The following SOX5 variants were observed in gnomAD, a reference collection of about 807,000 sequenced individuals.
SOX5 encodes SRY-box transcription factor 5, also known as transcription factor SOX-5.
SOX5 carries 9 observed loss-of-function variants against 92.0 expected under a neutral mutation model. That is an observed-to-expected ratio of 0.10 (90% confidence interval 0.06 to 0.17). SOX5 has a LOEUF of 0.17. SOX5 is among the 10% of genes least tolerant of loss of function. The pLI is 1.00. For missense variants in SOX5, 642 were observed against 944.5 expected (o/e 0.68, Z 4.20); for synonymous variants, 344 against 336.3 (o/e 1.02, Z -0.25).
At chr12:24,551,211 T>C (rs1050326516) in intron 1 of SOX5, among the ~76,000 whole-genome samples, 1 of 152,198 alleles carries the variant, frequency 6.6e-6, no homozygotes, top group African/African-American at 2.4e-5. Context: ...CCAATACTCC[T>C]CATTCATTCA....
At chr12:24,171,155 TTGCTAACTTCTAATAGTGATTTTAG>T in intron 4 of SOX5, among the ~76,000 whole-genome samples, 1 of 148,608 alleles carries the variant, frequency 6.7e-6, no homozygotes, top group Non-Finnish European at 1.5e-5. Context: ...TTTTTTTTTT[TTGCTAACTTCTAATAGTGATTTTAG>T]TTTTTTCTTT....
chr12:23,809,234 C>T (rs898244932), intron 3 of SOX5, among the ~76,000 whole-genome samples: 11 of 151,960 alleles, frequency 7.2e-5, no homozygotes, highest in African/African-American at 2.2e-4. Flanking sequence ...AAAAGAGGAA[C>T]GGGCTGGTGG....
At chr12:24,092,356 G>A (rs910072018) in intron 4 of SOX5, among the ~76,000 whole-genome samples, 9 of 152,000 alleles carry the variant, frequency 5.9e-5, no homozygotes, top group Admixed American at 3.9e-4. Context: ...TCCCACAAAC[G>A]GAGACTCTCC....
At chr12:24,114,225 G>A (rs1947710604) in intron 4 of SOX5, among the ~76,000 whole-genome samples, 2 of 151,928 alleles carry the variant, frequency 1.3e-5, no homozygotes, top group Admixed American at 1.3e-4. Flanking sequence ...AAAAAGTCCT[G>A]GGAGAAGCAG....
At chr12:24,535,170 C>G (rs1341874107) in intron 1 of SOX5, among the ~76,000 whole-genome samples, 1 of 152,182 alleles carries the variant, frequency 6.6e-6, no homozygotes, top group Non-Finnish European at 1.5e-5. Flanking sequence ...AAAATCGGCT[C>G]TTGGCTTAGC....
rs529976110 is a variant in SOX5, at chr12:23,734,643, A to G, written c.810+41T>C. 4.3e-6 allele frequency: 6 copies of G among 1,411,746 alleles called. No homozygotes were observed. The South Asian group carries it at 7.2e-5, about 17-fold the overall frequency. The allele number at this position is 1,411,746 out of a possible 1,614,324, so 87.5% of individuals were successfully genotyped here. ...TTTAAGGATAAGAAACAGAATATATATTTTTTAAATTGTAAGTATATTGAA... is the reference window on the plus strand; with the variant it reads ...TTTAAGGATAAGAAACAGAATATATGTTTTTTAAATTGTAAGTATATTGAA... On this transcript the variant is annotated intron_variant, in intron 6 of 14. Transcript: ENST00000451604.
intron 4 of SOX5, among the ~76,000 whole-genome samples, chr12:24,148,839 A>G (rs1370185713): frequency 1.3e-5 from 2 of 151,558 alleles, no homozygotes; most frequent in African/African-American, 4.9e-5. Flanking sequence ...ATAGTAAGCT[A>G]TGATCACACC....
intron 4 of SOX5, among the ~76,000 whole-genome samples, chr12:24,088,606 C>T (rs115750161): frequency 2.0e-4 from 31 of 151,720 alleles, no homozygotes; most frequent in African/African-American, 6.5e-4. Flanking sequence ...TTACTAGATG[C>T]GAAAGGGCTC....
chr12:23,919,065 A>C (rs1410277515), intron 1 of SOX5, among the ~76,000 whole-genome samples: 3 of 152,198 alleles, frequency 2.0e-5, no homozygotes, highest in Non-Finnish European at 4.4e-5. Context: ...AAGGTAATTA[A>C]TAGGTAATAT....
chr12:24,205,719 G>A (rs7303999), intron 4 of SOX5, among the ~76,000 whole-genome samples: 5,267 of 152,236 alleles, frequency 0.035, 298 homozygotes, highest in African/African-American at 0.12. Flanking sequence ...TGGCTTCAAT[G>A]GTTTCCAAAT....
intron 2 of SOX5, among the ~76,000 whole-genome samples, chr12:24,334,713 C>T (rs1167697334): frequency 6.6e-6 from 1 of 151,994 alleles, no homozygotes; most frequent in East Asian, 1.9e-4. Context: ...TAATTTACAG[C>T]AAAACATTAG....
intron 3 of SOX5, among the ~76,000 whole-genome samples, chr12:24,266,174 A>G (rs1003127224): frequency 1.3e-5 from 2 of 151,832 alleles, no homozygotes; most frequent in African/African-American, 4.8e-5. Context: ...TCAGCCTCCC[A>G]ACGTGCTAGA....
intron 1 of SOX5, among the ~76,000 whole-genome samples, chr12:24,413,160 G>A (rs141270276): frequency 5.3e-5 from 8 of 152,186 alleles, no homozygotes; most frequent in East Asian, 1.9e-4. Context: ...TCAAATCTTC[G>A]AATAACATTG....
intron 9 of SOX5, among the ~76,000 whole-genome samples, chr12:23,578,783 T>C (rs1211174683): frequency 1.3e-5 from 2 of 152,286 alleles, no homozygotes; most frequent in Middle Eastern, 3.4e-3. Context: ...CCTAGCAATA[T>C]ACTACCTGTT....
At chr12:23,845,045 G>T (rs1184607445) in intron 3 of SOX5, among the ~76,000 whole-genome samples, 1 of 152,218 alleles carries the variant, frequency 6.6e-6, no homozygotes, top group African/African-American at 2.4e-5. Context: ...TCACATGGCT[G>T]TCACATATAC....
intron 3 of SOX5, among the ~76,000 whole-genome samples, chr12:24,237,268 G>A (rs1964696496): frequency 6.6e-6 from 1 of 152,138 alleles, no homozygotes; most frequent in Non-Finnish European, 1.5e-5. Context: ...TCCCAGAGAT[G>A]CCCTGAGTCC....
At chr12:24,164,658 CAAGA>C (rs1393077278) in intron 4 of SOX5, among the ~76,000 whole-genome samples, 1 of 151,988 alleles carries the variant, frequency 6.6e-6, no homozygotes, top group African/African-American at 2.4e-5. Flanking sequence ...GCATTCATGA[CAAGA>C]AAGTGAAAAC....
chr12:24,299,669 C>T (rs1029757594), intron 2 of SOX5, among the ~76,000 whole-genome samples: 5 of 152,156 alleles, frequency 3.3e-5, no homozygotes, highest in Admixed American at 1.3e-4. Context: ...TATGCCTTCC[C>T]AACTGGCTCA....
intron 2 of SOX5, among the ~76,000 whole-genome samples, chr12:24,314,749 T>C (rs1357326054): frequency 1.3e-5 from 2 of 152,190 alleles, no homozygotes; most frequent in Non-Finnish European, 2.9e-5. Flanking sequence ...TGGACCTCCT[T>C]GCACTTCCTT....
Sources: allele counts gnomAD v4.1 joint callset (sites outside exome capture counted in the v4.1 genomes callset), GRCh38; gene constraint gnomAD v4.1.1; transcripts MANE v1.5; gene names NCBI Gene and HGNC (gene_info 2026-07-23, HGNC 2026-07-21).